The following KCTD16 variants were observed in gnomAD, a reference collection of about 807,000 sequenced individuals.
KCTD16 encodes the protein BTB/POZ domain-containing protein KCTD16.
In KCTD16, 13 loss-of-function variants were observed where a neutral mutation model predicts 33.2. That is an observed-to-expected ratio of 0.39 (90% CI 0.25 to 0.62). KCTD16 has a LOEUF of 0.62. Ranked by LOEUF, KCTD16 falls within the 20% of genes least tolerant of loss-of-function variation. KCTD16 has a pLI of 0.50. For synonymous variants in KCTD16, 197 were observed against 195.3 expected, an observed-to-expected ratio of 1.01 and a Z score of -0.07; for missense variants, 441 against 525.1, an observed-to-expected ratio of 0.84 and a Z score of 1.57.
intron 3 of KCTD16, among the ~76,000 whole-genome samples, chr5:144,454,145 T>A (rs1273278803): frequency 6.6e-6 from 1 of 152,214 alleles, no homozygotes; most frequent in Non-Finnish European, 1.5e-5. Context: ...GTATGATAAC[T>A]CTGTAGTTAA....
chr5:144,273,756 T>C (rs1175138846), intron 3 of KCTD16, among the ~76,000 whole-genome samples: 2 of 150,722 alleles, frequency 1.3e-5, no homozygotes, highest in Non-Finnish European at 1.5e-5. Context: ...AGTAGAATGG[T>C]TGTTGTCAGG....
At chr5:144,273,735 T>C (rs756607596) in intron 3 of KCTD16, among the ~76,000 whole-genome samples, 2 of 137,280 alleles carry the variant, frequency 1.5e-5, no homozygotes, top group South Asian at 2.2e-4. Flanking sequence ...GTCTTAATTA[T>C]AGAGACAGAA....
chr5:144,301,100 G>T (rs1751426318), intron 3 of KCTD16, among the ~76,000 whole-genome samples: 1 of 152,030 alleles, frequency 6.6e-6, no homozygotes, highest in South Asian at 2.1e-4. Context: ...AATTAGCTGG[G>T]TGTGGTGGTG....
At chr5:144,250,305 A>G (rs528710683) in intron 3 of KCTD16, among the ~76,000 whole-genome samples, 3 of 152,294 alleles carry the variant, frequency 2.0e-5, no homozygotes, top group African/African-American at 7.2e-5. Context: ...ACCACACTCT[A>G]GCTCTTTCTG....
intron 3 of KCTD16, among the ~76,000 whole-genome samples, chr5:144,227,765 G>C (rs1345336483): frequency 1.3e-5 from 2 of 152,108 alleles, no homozygotes; most frequent in Non-Finnish European, 2.9e-5. Flanking sequence ...GAGTGGAAAT[G>C]GTGAGAATGG....
At chr5:144,293,931 A>G (rs1755964821) in intron 3 of KCTD16, among the ~76,000 whole-genome samples, 2 of 152,182 alleles carry the variant, frequency 1.3e-5, no homozygotes, top group Admixed American at 6.5e-5. Context: ...AGGCCAAGGC[A>G]GGTGGATCAC....
chr5:144,300,451 G>C (rs572557732), intron 3 of KCTD16, among the ~76,000 whole-genome samples: 1 of 152,130 alleles, frequency 6.6e-6, no homozygotes, highest in Non-Finnish European at 1.5e-5. Flanking sequence ...GGTGCAAATT[G>C]TCTCATGCTA....
chr5:144,196,393 G>A (rs1158444771), intron 2 of KCTD16, among the ~76,000 whole-genome samples: 2 of 151,914 alleles, frequency 1.3e-5, no homozygotes, highest in African/African-American at 2.4e-5. Context: ...AAATGACCTC[G>A]GACCAAATGG....
intron 3 of KCTD16, among the ~76,000 whole-genome samples, chr5:144,462,576 A>C (rs943944198): frequency 1.2e-4 from 18 of 151,750 alleles, no homozygotes; most frequent in Non-Finnish European, 1.9e-4. Flanking sequence ...CTTAAAAAAA[A>C]AAAAAACAAA....
chr5:144,275,541 C>T (rs562315697), intron 3 of KCTD16, among the ~76,000 whole-genome samples: 28 of 152,322 alleles, frequency 1.8e-4, no homozygotes, highest in Non-Finnish European at 3.1e-4. Flanking sequence ...GGCAGATCCC[C>T]ATGGCAACAA....
In KCTD16 at chr5:144,242,948, G is replaced by A. The variant is rs923057147; in HGVS notation, c.832+35402G>A. On this transcript the variant is annotated intron_variant, in intron 3 of 3. Coordinates refer to ENST00000512467, the MANE Select transcript of KCTD16 (RefSeq NM_020768.4). Reference sequence around the variant, plus strand: ...GGAAGGGATAAATATCTAAATCATAGCAATTATTATTAACTGAAGTCCATA... The same window carrying A: ...GGAAGGGATAAATATCTAAATCATAACAATTATTATTAACTGAAGTCCATA... Among the ~76,000 whole-genome samples the A allele has an allele frequency of 3.3e-5, 5 of 152,246 alleles. No homozygotes were observed. In the South Asian group the frequency reaches 6.2e-4, roughly 19 times the overall value.
At chr5:144,174,814 T>A (rs549833264) in intron 2 of KCTD16, among the ~76,000 whole-genome samples, 1 of 152,334 alleles carries the variant, frequency 6.6e-6, no homozygotes, top group Admixed American at 6.5e-5. Flanking sequence ...TAAAAATAAG[T>A]CTTTTAAAGA....
intron 2 of KCTD16, among the ~76,000 whole-genome samples, chr5:144,190,410 C>T (rs1344418675): frequency 6.6e-6 from 1 of 152,172 alleles, no homozygotes; most frequent in African/African-American, 2.4e-5. Flanking sequence ...CTCTTTCTTA[C>T]GATGCCTCAC....
rs1754676958 is a variant in KCTD16 at position 144,480,175 on chromosome 5, A to T, written c.*6061A>T. 1 of 151,940 alleles carries T rather than the reference A, an allele frequency of 6.6e-6. No homozygotes were observed. Among genetic ancestry groups the T allele is most frequent in the Non-Finnish European group, 1.5e-5 (1 of 67,930 alleles). The allele number at this position is 151,940 out of a possible 1,614,324, so 9.4% of individuals were successfully genotyped here. On this transcript the variant is annotated 3_prime_UTR_variant, in exon 4 of 4. Coordinates refer to ENST00000512467, the MANE Select transcript of KCTD16 (RefSeq NM_020768.4). The stretch of plus-strand genomic sequence containing the variant: ...TGCATGTGTGTGTGTGCACATGGCC[A>T]TGTGCAATTTTTAGGTTTATGTCAG...
intron 3 of KCTD16, among the ~76,000 whole-genome samples, chr5:144,216,940 A>T: frequency 6.6e-6 from 1 of 152,120 alleles, no homozygotes; most frequent in Non-Finnish European, 1.5e-5. Flanking sequence ...ATGAGAAAAT[A>T]GAGAAAAGGA....
chr5:144,425,168 A>C (rs964297364), intron 3 of KCTD16, among the ~76,000 whole-genome samples: 3 of 152,126 alleles, frequency 2.0e-5, no homozygotes, highest in African/African-American at 7.2e-5. Flanking sequence ...AGGCATTCAC[A>C]CTCTCCAAAA....
intron 3 of KCTD16, among the ~76,000 whole-genome samples, chr5:144,466,468 T>C (rs1754335042): frequency 6.6e-6 from 1 of 152,166 alleles, no homozygotes; most frequent in Non-Finnish European, 1.5e-5. Context: ...ATAAAAGACC[T>C]CAGAAAGCCT....
Position 144,207,068 on chromosome 5 carries a change from G to T in KCTD16, c.354G>T (p.Leu118Phe), listed in dbSNP as rs1317661304. 1 of 1,613,378 alleles carries T rather than the reference G, an allele frequency of 6.2e-7. No homozygotes were observed. Among genetic ancestry groups the T allele is most frequent in the African/African-American group, 1.3e-5 (1 of 74,972 alleles). ...REAEYFQLPD[L>F]VKLLTPDEIK... ...CTGAATACTTCCAGCTCCCAGACTTGGTCAAACTCCTGACCCCCGATGAAA... is the reference window on the plus strand; with the variant it reads ...CTGAATACTTCCAGCTCCCAGACTTTGTCAAACTCCTGACCCCCGATGAAA... Residue 118 changes from leucine to phenylalanine, a missense_variant, in exon 3 of 4, where the codon TTG becomes TTT. Transcript: ENST00000512467.
intron 3 of KCTD16, among the ~76,000 whole-genome samples, chr5:144,221,248 G>T (rs1753738353): frequency 6.6e-6 from 1 of 152,132 alleles, no homozygotes; most frequent in Non-Finnish European, 1.5e-5. Flanking sequence ...TAATGAAGAA[G>T]AGAGACATTA....
Sources: allele counts gnomAD v4.1 joint callset (sites outside exome capture counted in the v4.1 genomes callset), GRCh38; gene constraint gnomAD v4.1.1; transcripts MANE v1.5; gene names NCBI Gene and HGNC (gene_info 2026-07-23, HGNC 2026-07-21).